Variants in STRN3 observed in about 807,000 individuals in gnomAD.
The protein encoded by STRN3 is striatin 3.
Under a neutral mutation model 95.6 loss-of-function variants are expected in STRN3, and 29 were observed. The ratio of observed to expected loss-of-function variants is 0.30; its 90% CI spans 0.23 to 0.41. STRN3 has a LOEUF of 0.41. STRN3 is among the 10% of genes least tolerant of loss of function. The pLI is 1.00. For synonymous variants in STRN3, 331 were observed against 357.6 expected (o/e 0.93, Z 0.84); for missense variants, 890 against 972.1 (o/e 0.92, Z 1.12).
intron 1 of STRN3, among the ~76,000 whole-genome samples, chr14:30,977,214 G>T (rs557602094): frequency 6.6e-6 from 1 of 151,794 alleles, no homozygotes; most frequent in Non-Finnish European, 1.5e-5. Context: ...CAACAAGAGC[G>T]AAACTCTGTT....
intron 1 of STRN3, among the ~76,000 whole-genome samples, chr14:30,976,082 T>C (rs929899367): frequency 6.6e-6 from 1 of 152,134 alleles, no homozygotes; most frequent in Non-Finnish European, 1.5e-5. Flanking sequence ...ATAATCACTT[T>C]AAATGTGAAT....
intron 16 of STRN3, among the ~76,000 whole-genome samples, chr14:30,901,928 G>T (rs1055588265): frequency 6.6e-6 from 1 of 151,966 alleles, no homozygotes; most frequent in Admixed American, 6.6e-5. Flanking sequence ...AGCACTTTGG[G>T]AGGCCAAGGC....
At chr14:30,901,963 T>A (rs1238772223) in intron 16 of STRN3, among the ~76,000 whole-genome samples, 1 of 150,684 alleles carries the variant, frequency 6.6e-6, no homozygotes, top group Non-Finnish European at 1.5e-5. Flanking sequence ...AGGTCAGGAG[T>A]TCGAGACCAG....
intron 6 of STRN3, among the ~76,000 whole-genome samples, chr14:30,935,609 T>G (rs1052884106): frequency 2.6e-5 from 4 of 152,194 alleles, no homozygotes; most frequent in African/African-American, 9.6e-5. Context: ...AGTCACTTAT[T>G]TGCATTCTGA....
intron 1 of STRN3, among the ~76,000 whole-genome samples, chr14:31,021,829 G>C (rs546297945): frequency 6.6e-6 from 1 of 152,286 alleles, no homozygotes; most frequent in South Asian, 2.1e-4. Context: ...GAGGAGAGAA[G>C]AAAGCGAAAA....
chr14:30,985,305 CCA>C (rs1491311980), intron 1 of STRN3, among the ~76,000 whole-genome samples: 2 of 50,544 alleles, frequency 4.0e-5, no homozygotes, highest in Non-Finnish European at 5.5e-5. Context: ...TAAAACTCCG[CCA>C]AAAAAAAAAA....
At chr14:30,948,566 ATAGT>A (rs1879481247) in intron 4 of STRN3, among the ~76,000 whole-genome samples, 2 of 152,230 alleles carry the variant, frequency 1.3e-5, no homozygotes, top group Admixed American at 1.3e-4. Flanking sequence ...TCAAGAAGGA[ATAGT>A]TAATGTCAAA....
chr14:31,026,325 C>T lies in STRN3; in HGVS notation c.-140G>A, dbSNP rs1200581144. On this transcript the variant is annotated 5_prime_UTR_variant, in exon 1 of 18. Transcript: ENST00000357479. Reference sequence around the variant, plus strand: ...GAAGGGGTCGTTGCTGTGTGCCTGCCGTGGGTCAGAGCAGGGAGCTGCCGG... The same window carrying T: ...GAAGGGGTCGTTGCTGTGTGCCTGCTGTGGGTCAGAGCAGGGAGCTGCCGG... The T allele has an allele frequency of 1.2e-6, 1 of 819,898 alleles. No homozygotes were observed. Among genetic ancestry groups the T allele is most frequent in the Non-Finnish European group, 1.6e-6 (1 of 612,648 alleles). 50.8% of individuals were successfully genotyped at this position (819,898 alleles called of 1,614,324 possible).
intron 9 of STRN3, 145 bp from the exon 10 acceptor site, chr14:30,913,802 T>C: frequency 9.9e-7 from 1 of 1,014,942 alleles, no homozygotes; most frequent in Non-Finnish European, 1.4e-6. Context: ...AAAAATCCTG[T>C]TACTAAGCAG....
chr14:30,959,872 T>C (rs1428657211), intron 1 of STRN3, among the ~76,000 whole-genome samples: 1 of 151,876 alleles, frequency 6.6e-6, no homozygotes, highest in Non-Finnish European at 1.5e-5. Flanking sequence ...ATATAAAAAT[T>C]TAACAAAGGC....
At chr14:31,011,562 T>C (rs917744706) in intron 1 of STRN3, among the ~76,000 whole-genome samples, 7 of 152,058 alleles carry the variant, frequency 4.6e-5, no homozygotes. Flanking sequence ...AGAATTGCTT[T>C]AACCTGGAAT....
intron 1 of STRN3, among the ~76,000 whole-genome samples, chr14:30,980,855 C>A (rs188971398): frequency 6.6e-6 from 1 of 152,148 alleles, no homozygotes; most frequent in East Asian, 1.9e-4. Flanking sequence ...GATTTTAAGA[C>A]ATTCTTTAGC....
chr14:31,010,748 T>C (rs1291014013), intron 1 of STRN3, among the ~76,000 whole-genome samples: 2 of 152,232 alleles, frequency 1.3e-5, no homozygotes, highest in African/African-American at 2.4e-5. Context: ...TGATTCATTT[T>C]AACTGAAGTA....
At chr14:30,968,053 T>TA (rs762720993) in intron 1 of STRN3, among the ~76,000 whole-genome samples, 1 of 152,122 alleles carries the variant, frequency 6.6e-6, no homozygotes, top group African/African-American at 2.4e-5. Flanking sequence ...TTAAAGTACT[T>TA]ACAAAACTAG....
intron 1 of STRN3, among the ~76,000 whole-genome samples, chr14:31,017,140 T>A (rs576741153): frequency 2.0e-5 from 3 of 151,994 alleles, no homozygotes; most frequent in East Asian, 3.9e-4. Flanking sequence ...GGTGACAGAC[T>A]GAGACCCTGT....
chr14:30,933,916 C>T (rs1008701780), intron 7 of STRN3, among the ~76,000 whole-genome samples: 1 of 152,128 alleles, frequency 6.6e-6, no homozygotes, highest in Non-Finnish European at 1.5e-5. Flanking sequence ...TTAGTTTAAA[C>T]ACATAAATGA....
intron 14 of STRN3, 22 bp downstream of exon 14, chr14:30,906,855 C>T: frequency 6.3e-7 from 1 of 1,590,726 alleles, no homozygotes; most frequent in Non-Finnish European, 8.5e-7. Context: ...TAACTTTTCT[C>T]ACAGATGCAA....
chr14:30,950,590 G>A (rs1018388506), intron 4 of STRN3, among the ~76,000 whole-genome samples: 1 of 152,050 alleles, frequency 6.6e-6, no homozygotes, highest in Non-Finnish European at 1.5e-5. Flanking sequence ...AGGAATGGAG[G>A]GCTCTATCAA....
At chr14:30,901,108 A>C (rs1000852700) in intron 16 of STRN3, among the ~76,000 whole-genome samples, 1 of 152,164 alleles carries the variant, frequency 6.6e-6, no homozygotes, top group Non-Finnish European at 1.5e-5. Flanking sequence ...TATCGGTTTC[A>C]TAAAAATAGT....
Sources: allele counts gnomAD v4.1 joint callset (sites outside exome capture counted in the v4.1 genomes callset), GRCh38; gene constraint gnomAD v4.1.1; transcripts MANE v1.5; gene names NCBI Gene and HGNC (gene_info 2026-07-23, HGNC 2026-07-21).